Variants in EML4 observed in about 807,000 individuals in gnomAD.
EML4 encodes EMAP like 4.
EML4 carries 72 observed loss-of-function variants against 129.0 expected under a neutral mutation model. The ratio of observed to expected loss-of-function variants is 0.56; its 90% confidence interval spans 0.46 to 0.68. The LOEUF is 0.68. Among genes scored for constraint, EML4 ranks in the 30% least tolerant of loss-of-function variants. The pLI is 0.00. For missense variants in EML4, 1,363 were observed against 1,190.6 expected (o/e 1.14, Z -2.13); for synonymous variants, 532 against 405.0 (o/e 1.31, Z -3.77).
intron 6 of EML4, among the ~76,000 whole-genome samples, chr2:42,275,484 AAGG>A (rs1379644262): frequency 6.6e-6 from 1 of 152,192 alleles, no homozygotes; most frequent in Non-Finnish European, 1.5e-5. Flanking sequence ...CCTTCTGTAA[AAGG>A]AGGTTAGACT....
chr2:42,319,205 ACT>A (rs1332073639), intron 19 of EML4, among the ~76,000 whole-genome samples: 1 of 151,866 alleles, frequency 6.6e-6, no homozygotes, highest in African/African-American at 2.4e-5. Context: ...AATTCTACTA[ACT>A]CTTAGTAGAG....
Position 42,332,116 on chromosome 2 carries a change from A to C in EML4, c.*1909A>C, listed in dbSNP as rs6716767. 0.14 allele frequency: 31,048 copies of C among 220,898 alleles called. 2,543 individuals are homozygous for C. Among genetic ancestry groups the C allele is most frequent in the South Asian group, 0.3 (1,634 of 5,386 alleles). 13.7% of individuals were successfully genotyped at this position (220,898 alleles called of 1,614,324 possible). A position where few individuals can be genotyped will look rare whatever the true frequency, so the allele number is the denominator to read the frequency against. ...AGCATGTGCTATACTCCCTGCAAGA[A>C]ATATACTGACATGAACAGGCAGTTC... On this transcript the variant is annotated 3_prime_UTR_variant, in exon 23 of 23. Coordinates refer to ENST00000318522, the MANE Select transcript of EML4 (RefSeq NM_019063.5).
intron 3 of EML4, among the ~76,000 whole-genome samples, chr2:42,260,767 C>A (rs1992260): frequency 0.29 from 43,963 of 151,894 alleles, 7,584 homozygotes; most frequent in East Asian, 0.57. Flanking sequence ...TGGCATCAGT[C>A]GGTATGCTTT....
In EML4 at chr2:42,295,221, A is replaced by G. The variant is rs1326395791; in HGVS notation, c.1315A>G (p.Ser439Gly). 6.2e-7 allele frequency: 1 copy of G among 1,613,748 alleles called. No homozygotes were observed. Among genetic ancestry groups the G allele is most frequent in the Non-Finnish European group, 8.5e-7 (1 of 1,179,926 alleles). ...ATCTCATATTTTCTTCTGGACCTGG[A>G]GCGGCAATTCACTAACAAGAAAACA... is the stretch of plus-strand genomic sequence containing the variant. ...GKSHIFFWTW[S>G]GNSLTRKQGI... Residue 439 changes from serine (S) to glycine (G), a missense_variant, in exon 12 of 23, where the codon AGC (serine) becomes GGC (glycine). By Grantham distance (56) the Ser-to-Gly change is moderately conservative. Coordinates refer to ENST00000318522, the MANE Select transcript of EML4 (RefSeq NM_019063.5).
intron 2 of EML4, among the ~76,000 whole-genome samples, chr2:42,247,379 C>T (rs1016291930): frequency 6.6e-6 from 1 of 152,094 alleles, no homozygotes; most frequent in Non-Finnish European, 1.5e-5. Context: ...GAAAGAGATG[C>T]TGAGAGACCC....
intron 21 of EML4, 66 bp downstream of exon 21, chr2:42,326,318 T>C: frequency 9.3e-7 from 1 of 1,079,158 alleles, no homozygotes; most frequent in Non-Finnish European, 1.4e-6. Flanking sequence ...ATTTACTTGC[T>C]TAAATTTATA....
chr2:42,216,171 C>T (rs760470454), intron 1 of EML4, among the ~76,000 whole-genome samples: 35 of 150,262 alleles, frequency 2.3e-4, no homozygotes, highest in South Asian at 1.9e-3. Context: ...CTGCCTGCCT[C>T]GGCGTCCCAA....
intron 1 of EML4, among the ~76,000 whole-genome samples, chr2:42,204,578 G>A (rs140666422): frequency 6.6e-6 from 1 of 152,194 alleles, no homozygotes; most frequent in Non-Finnish European, 1.5e-5. Flanking sequence ...TATGTGTCTC[G>A]AATAGCTGTT....
Position 42,245,661 on chromosome 2 carries a change from CAG to C in EML4, c.183_184del (p.Val62GlufsTer7). The C allele has an allele frequency of 6.2e-7, 1 of 1,608,788 alleles. No homozygotes were observed. The highest frequency in any genetic ancestry group is 8.5e-7 in the Non-Finnish European group (1 of 1,177,726). On this transcript the variant is annotated frameshift_variant, in exon 2 of 23. Transcript: ENST00000318522. LOFTEE classifies it high-confidence loss of function. Reference sequence around the variant, plus strand: ...GCAATCTCTGAAGATCATGTGGCCTCAGTGAAAAAATCAGTCTCAAGTAAAGG... The same window carrying C: ...GCAATCTCTGAAGATCATGTGGCCTCTGAAAAAATCAGTCTCAAGTAAAGG...
At chr2:42,226,386 G>A (rs550597598) in intron 1 of EML4, among the ~76,000 whole-genome samples, 26 of 152,166 alleles carry the variant, frequency 1.7e-4, no homozygotes, top group African/African-American at 5.3e-4. Flanking sequence ...TGGGCCGGGC[G>A]TGGTGGCTCA....
intron 6 of EML4, among the ~76,000 whole-genome samples, chr2:42,278,480 G>T (rs1257162499): frequency 1.3e-5 from 2 of 150,160 alleles, no homozygotes; most frequent in Non-Finnish European, 3.0e-5. Context: ...AGGCTGAGTG[G>T]GGAGAATCAC....
chr2:42,241,288 C>G (rs1027500803), intron 1 of EML4, among the ~76,000 whole-genome samples: 1 of 152,156 alleles, frequency 6.6e-6, no homozygotes, highest in African/African-American at 2.4e-5. Context: ...GGATTTTAGA[C>G]AGGAAGGAAT....
At chr2:42,206,475 A>G (rs764584327) in intron 1 of EML4, among the ~76,000 whole-genome samples, 2 of 152,196 alleles carry the variant, frequency 1.3e-5, no homozygotes, top group Non-Finnish European at 2.9e-5. Context: ...ATGACCTCCC[A>G]AAGTGTTGGG....
rs769377330 is a variant in EML4, at chr2:42,317,459, A to T, written c.2089A>T (p.Asn697Tyr). 1.9e-6 allele frequency: 3 copies of T among 1,612,872 alleles called. No homozygotes were observed. The highest frequency in any genetic ancestry group is 2.5e-6 in the Non-Finnish European group (3 of 1,179,336). ...GTFLAVGSHD[N>Y]FIYLYVVSEN... ...CTTCCTGGCTGTAGGATCTCATGAC[A>T]ACTTTATTTACCTCTATGTAGTCTC... The change falls in exon 19 of 23, where the codon AAC becomes TAC. Residue 697 changes from asparagine (N) to tyrosine (Y), a missense_variant. Physicochemically the swap from Asn to Tyr is moderately radical, Grantham distance 143. Transcript: ENST00000318522.
intron 1 of EML4, among the ~76,000 whole-genome samples, chr2:42,191,572 G>T (rs575573070): frequency 9.9e-4 from 150 of 152,262 alleles, no homozygotes; most frequent in Non-Finnish European, 1.8e-3. Context: ...TCAAATGAAG[G>T]ATAGGGTAGT....
intron 1 of EML4, among the ~76,000 whole-genome samples, chr2:42,184,123 G>T (rs1285428939): frequency 6.6e-6 from 1 of 152,184 alleles, no homozygotes; most frequent in Non-Finnish European, 1.5e-5. Flanking sequence ...AACAAAGAAA[G>T]AGTTGTTTTC....
At chr2:42,327,619 G>A (rs1212800780) in intron 21 of EML4, among the ~76,000 whole-genome samples, 1 of 152,116 alleles carries the variant, frequency 6.6e-6, no homozygotes, top group African/African-American at 2.4e-5. Context: ...CTAATCTGAC[G>A]TTTTGTAACT....
At chr2:42,172,016 G>A (rs1245742545) in intron 1 of EML4, among the ~76,000 whole-genome samples, 2 of 151,942 alleles carry the variant, frequency 1.3e-5, no homozygotes, top group African/African-American at 2.4e-5. Context: ...GGAGAGCCAT[G>A]AATATAAAGG....
chr2:42,313,993 A>C (rs895962951), intron 17 of EML4, among the ~76,000 whole-genome samples: 1 of 151,972 alleles, frequency 6.6e-6, no homozygotes, highest in African/African-American at 2.4e-5. Context: ...TTAGTGGTGG[A>C]ATTTTTTCCA....
Sources: allele counts gnomAD v4.1 joint callset (sites outside exome capture counted in the v4.1 genomes callset), GRCh38; gene constraint gnomAD v4.1.1; transcripts MANE v1.5; gene names NCBI Gene and HGNC (gene_info 2026-07-23, HGNC 2026-07-21).